C2orf66: variants seen among roughly 807,000 people sequenced by gnomAD.
C2orf66 encodes uncharacterized protein C2orf66.
C2orf66 carries 6 observed loss-of-function variants against 7.0 expected under a neutral mutation model. The observed-to-expected ratio is 0.86, with a 90% CI of 0.47 to 1.69. C2orf66 has a LOEUF of 1.69. Among genes scored for constraint, C2orf66 ranks in the 40% most tolerant of loss-of-function variants. The pLI is 0.01. For missense variants in C2orf66, 107 were observed against 112.0 expected, an observed-to-expected ratio of 0.96 and a Z score of 0.20; for synonymous variants, 38 against 43.8, an observed-to-expected ratio of 0.87 and a Z score of 0.52.
chr2:196,813,956 G>A (rs537595239), upstream of C2orf66, among the ~76,000 whole-genome samples: 10 of 152,242 alleles, frequency 6.6e-5, no homozygotes, highest in Middle Eastern at 3.4e-3. Flanking sequence ...AAATAGGAGC[G>A]CTTTTACACT....
the C2orf66 span, among the ~76,000 whole-genome samples, chr2:196,819,233 G>T: frequency 2.0e-5 from 3 of 152,082 alleles, no homozygotes; most frequent in African/African-American, 7.2e-5. Flanking sequence ...CTGAATGATT[G>T]TGTCCCCCTG....
chr2:196,815,943 C>T, the C2orf66 span, among the ~76,000 whole-genome samples: 1 of 152,134 alleles, frequency 6.6e-6, no homozygotes, highest in African/African-American at 2.4e-5. Context: ...AGTGCCTCCT[C>T]AGTGATGATG....
In C2orf66 at chr2:196,805,292, A is replaced by T. The variant is rs903712171; in HGVS notation, c.*136T>A. 3 of 152,214 alleles carry T rather than the reference A, an allele frequency of 2.0e-5. No homozygotes were observed. Among genetic ancestry groups the T allele is most frequent in the Non-Finnish European group, 2.9e-5 (2 of 68,032 alleles). The allele number at this position is 152,214 out of a possible 1,614,324, so 9.4% of individuals were successfully genotyped here. On this transcript the variant is annotated 3_prime_UTR_variant, in exon 3 of 3. Transcript: ENST00000342506. The stretch of plus-strand genomic sequence containing the variant: ...AAATATGGAAATGTGGAATAAAATC[A>T]TTACAAACTGAAAAATAAAAGTGAG...
the C2orf66 span, among the ~76,000 whole-genome samples, chr2:196,821,389 C>T: frequency 1.3e-5 from 2 of 152,170 alleles, no homozygotes; most frequent in Non-Finnish European, 2.9e-5. Flanking sequence ...AGGCCAATCA[C>T]GGAGGAAGAC....
chr2:196,817,955 T>G, the C2orf66 span, among the ~76,000 whole-genome samples: 4 of 152,220 alleles, frequency 2.6e-5, no homozygotes, highest in Non-Finnish European at 5.9e-5. Context: ...GATTTCATAT[T>G]CTTCAAACAC....
chr2:196,818,313 A>G, the C2orf66 span, among the ~76,000 whole-genome samples: 1 of 152,212 alleles, frequency 6.6e-6, no homozygotes, highest in Non-Finnish European at 1.5e-5. Context: ...CCCCAGGCCA[A>G]GCAAGGTTGC....
chr2:196,831,325 C>T, the C2orf66 span, among the ~76,000 whole-genome samples: 1 of 152,174 alleles, frequency 6.6e-6, no homozygotes, highest in African/African-American at 2.4e-5. Context: ...ACCACCAAGG[C>T]AGTACTCTAC....
chr2:196,813,505 G>C (rs1699895536), upstream of C2orf66, among the ~76,000 whole-genome samples: 1 of 152,140 alleles, frequency 6.6e-6, no homozygotes. Flanking sequence ...TACCATTCAG[G>C]ACATAGGCAT....
At chr2:196,811,146 G>A (rs1699871127), upstream of C2orf66, among the ~76,000 whole-genome samples, 1 of 152,164 alleles carries the variant, frequency 6.6e-6, no homozygotes, top group South Asian at 2.1e-4. Context: ...GCACTTTAAA[G>A]GTACTGAAAT....
upstream of C2orf66, among the ~76,000 whole-genome samples, chr2:196,811,500 G>A (rs529383505): frequency 6.6e-6 from 1 of 152,136 alleles, no homozygotes; most frequent in Non-Finnish European, 1.5e-5. Context: ...TGGGTACTAC[G>A]GGGAGGGGGG....
upstream of C2orf66, among the ~76,000 whole-genome samples, chr2:196,813,186 G>A (rs1222175766): frequency 1.3e-5 from 2 of 152,114 alleles, no homozygotes; most frequent in Non-Finnish European, 2.9e-5. Flanking sequence ...TGTCCTACAA[G>A]GCTACAGTAA....
chr2:196,823,781 T>C, the C2orf66 span, among the ~76,000 whole-genome samples: 3 of 152,214 alleles, frequency 2.0e-5, no homozygotes, highest in African/African-American at 7.2e-5. Flanking sequence ...CTTGAGAACC[T>C]ACTATGTGTC....
the C2orf66 span, among the ~76,000 whole-genome samples, chr2:196,829,480 T>G: frequency 6.6e-6 from 1 of 151,864 alleles, no homozygotes; most frequent in Non-Finnish European, 1.5e-5. Flanking sequence ...TCCCAGCTAC[T>G]CGGGAGGCTG....
At chr2:196,814,743 T>C in the C2orf66 span, among the ~76,000 whole-genome samples, 1 of 152,346 alleles carries the variant, frequency 6.6e-6, no homozygotes, top group South Asian at 2.1e-4. Context: ...CAGATTTTCA[T>C]AGCCATTTAT....
At chr2:196,821,374 A>T in the C2orf66 span, among the ~76,000 whole-genome samples, 6 of 152,172 alleles carry the variant, frequency 3.9e-5, no homozygotes, top group African/African-American at 1.4e-4. Flanking sequence ...GGATGTTGAG[A>T]CATCAGGCCA....
chr2:196,827,189 T>C, the C2orf66 span, among the ~76,000 whole-genome samples: 1 of 141,364 alleles, frequency 7.1e-6, no homozygotes. Flanking sequence ...TAGTGAGCCA[T>C]GATCGTGCCA....
rs767185307 is a variant in C2orf66 at position 196,804,666 on chromosome 2, C to A, written c.*762G>T. 1.3e-5 allele frequency among the ~76,000 whole-genome samples: 2 copies of A among 152,164 alleles called. No individual in the cohort carries two copies. Among genetic ancestry groups the A allele is most frequent in the African/African-American group, 2.4e-5 (1 of 41,446 alleles). Reference sequence around the variant, plus strand: ...TGAGCTAGAGTAAGGAGAGCAGGGGCTGGTTGGAAAGAGAGGAAATCACCT... The same window carrying A: ...TGAGCTAGAGTAAGGAGAGCAGGGGATGGTTGGAAAGAGAGGAAATCACCT... On this transcript the variant is annotated 3_prime_UTR_variant, in exon 3 of 3. Coordinates refer to ENST00000342506, the MANE Select transcript of C2orf66 (RefSeq NM_213608.3).
the C2orf66 span, among the ~76,000 whole-genome samples, chr2:196,821,165 G>A: frequency 6.6e-6 from 1 of 152,210 alleles, no homozygotes; most frequent in Non-Finnish European, 1.5e-5. Flanking sequence ...GCAGCCAACA[G>A]AAGCTGGAAG....
At chr2:196,823,132 T>G in the C2orf66 span, among the ~76,000 whole-genome samples, 1 of 151,680 alleles carries the variant, frequency 6.6e-6, no homozygotes, top group South Asian at 2.1e-4. Context: ...ATAATAGTAA[T>G]GATGGTCTAA....
Sources: allele counts gnomAD v4.1 joint callset (sites outside exome capture counted in the v4.1 genomes callset), GRCh38; gene constraint gnomAD v4.1.1; transcripts MANE v1.5; gene names NCBI Gene and HGNC (gene_info 2026-07-23, HGNC 2026-07-21).